Variants in PIAS4 observed in about 807,000 individuals in gnomAD.
PIAS4 encodes the protein E3 SUMO-protein ligase PIAS4.
A neutral mutation model predicts 58.0 loss-of-function variants in PIAS4; 7 were observed. The ratio of observed to expected loss-of-function variants is 0.12; its 90% CI spans 0.07 to 0.23. PIAS4 has a LOEUF of 0.23. Among genes scored for constraint, PIAS4 ranks in the 10% least tolerant of loss-of-function variants. The pLI is 1.00. For missense variants in PIAS4, 550 were observed against 709.5 expected, an observed-to-expected ratio of 0.78 and a Z score of 2.55; for synonymous variants, 364 against 312.4, an observed-to-expected ratio of 1.17 and a Z score of -1.74.
At chr19:4,029,067 G>T (rs750233698) in intron 7 of PIAS4, 31 bp downstream of exon 7, 6 of 1,511,222 alleles carry the variant, frequency 4.0e-6, no homozygotes, top group Non-Finnish European at 5.4e-6. Context: ...CGGCCGAGGG[G>T]TGCCAAGTCC....
intron 9 of PIAS4, 135 bp downstream of exon 9, chr19:4,033,715 A>C: frequency 1.3e-6 from 1 of 758,218 alleles, no homozygotes; most frequent in Non-Finnish European, 2.1e-6. Flanking sequence ...GAGCTTTGGA[A>C]ACCCCGGGCT....
Position 4,007,791 on chromosome 19 carries a change from A to C in PIAS4, c.27+4A>C. 8.2e-7 allele frequency: 1 copy of C among 1,213,014 alleles called. No individual in the cohort carries two copies. Among genetic ancestry groups the C allele is most frequent in the Non-Finnish European group, 1.0e-6 (1 of 970,062 alleles). The allele number at this position is 1,213,014 out of a possible 1,614,324, so 75.1% of individuals were successfully genotyped here. A position where few individuals can be genotyped will look rare whatever the true frequency, so the allele number is the denominator to read the frequency against. On this transcript the variant is annotated splice_donor_region_variant and intron_variant, in intron 1 of 10. Transcript: ENST00000262971. ...GGCGGAGCTGGTGGAGGCCAAAGTG[A>C]GTGAGCGGTGGCGGCGCCGGCCGGG... is the stretch of plus-strand genomic sequence containing the variant.
intron 1 of PIAS4, among the ~76,000 whole-genome samples, chr19:4,009,857 G>A (rs1225740802): frequency 6.6e-6 from 1 of 152,178 alleles, no homozygotes; most frequent in African/African-American, 2.4e-5. Context: ...CTCAGCTTGA[G>A]GCCTGCAGGC....
chr19:4,030,174 G>T (rs1233861066), intron 7 of PIAS4, among the ~76,000 whole-genome samples: 1 of 150,868 alleles, frequency 6.6e-6, no homozygotes, highest in African/African-American at 2.4e-5. Flanking sequence ...TGTTGCCCAG[G>T]CTGGTCGTAA....
chr19:4,034,954 C>T (rs2040259806), intron 9 of PIAS4, among the ~76,000 whole-genome samples: 1 of 152,204 alleles, frequency 6.6e-6, no homozygotes, highest in Non-Finnish European at 1.5e-5. Flanking sequence ...TGTTCTTGGC[C>T]AGGGGAGCGG....
rs760314277 is a variant in PIAS4, at chr19:4,037,604, T to C, written c.1274-12T>C. The C allele has an allele frequency of 2.0e-5, 32 of 1,608,988 alleles. No individual in the cohort carries two copies. The South Asian group carries it at 3.3e-4, about 17-fold the overall frequency. ...ATCCTAAGTACCTGCACCCTGTCCC[T>C]GTTGCCCGTAGGCCCCTCGGACGCC... On this transcript the variant is annotated splice_polypyrimidine_tract_variant and intron_variant, in intron 10 of 10. Transcript: ENST00000262971. This position sits in a 1 kb window ranked among gnomAD's most constrained non-coding sequence, Gnocchi z 5.8.
At chr19:4,020,178 AG>A (rs2040095094) in intron 2 of PIAS4, among the ~76,000 whole-genome samples, 1 of 152,134 alleles carries the variant, frequency 6.6e-6, no homozygotes, top group African/African-American at 2.4e-5. Flanking sequence ...GGCCTCCCAA[AG>A]TGCTGGGATT....
rs560787652 is a variant in PIAS4 at position 4,029,445 on chromosome 19, G to A, written c.907+409G>A. On this transcript the variant is annotated intron_variant, in intron 7 of 10. Coordinates refer to ENST00000262971, the MANE Select transcript of PIAS4 (RefSeq NM_015897.4). ...GGCCGAGGGTGCTGCGGGACCTGGC[G>A]GGTCACGGACGGCCAGGGTCGTGGA... is the stretch of plus-strand genomic sequence containing the variant. 5.1e-3 allele frequency among the ~76,000 whole-genome samples: 772 copies of A among 152,340 alleles called. 13 individuals carry two copies. Among genetic ancestry groups the A allele is most frequent in the Admixed American group, 0.015 (235 of 15,310 alleles).
chr19:4,011,601 C>T (rs1204852928), intron 1 of PIAS4, among the ~76,000 whole-genome samples: 3 of 152,174 alleles, frequency 2.0e-5, no homozygotes, highest in South Asian at 2.1e-4. Flanking sequence ...CCCCTTGGAC[C>T]GGTCCCCCAG....
intron 1 of PIAS4, among the ~76,000 whole-genome samples, chr19:4,008,152 C>T (rs897914421): frequency 6.6e-5 from 10 of 152,220 alleles, no homozygotes; most frequent in Admixed American, 3.3e-4. Flanking sequence ...TACTCGTTGC[C>T]CTCTTGGTTC....
chr19:4,014,811 G>C (rs992868811), intron 2 of PIAS4, among the ~76,000 whole-genome samples: 7 of 152,242 alleles, frequency 4.6e-5, no homozygotes, highest in Admixed American at 4.6e-4. Context: ...GGGAGGCAGC[G>C]TTGATGGGGG....
At chr19:4,028,283 C>A (rs1212229577) in intron 4 of PIAS4, 96 bp downstream of exon 4, 1 of 1,068,652 alleles carries the variant, frequency 9.4e-7, no homozygotes, top group South Asian at 1.3e-5. Flanking sequence ...TCAGTCTCCC[C>A]TGCTAACAGC....
intron 3 of PIAS4, among the ~76,000 whole-genome samples, chr19:4,026,832 A>G (rs890150855): frequency 1.3e-5 from 2 of 151,670 alleles, no homozygotes; most frequent in Admixed American, 1.3e-4. Flanking sequence ...ACAGGCGTGC[A>G]CCACCACACT....
At chr19:4,036,771 G>GTC (rs1388940925) in intron 9 of PIAS4, among the ~76,000 whole-genome samples, 42 of 130,622 alleles carry the variant, frequency 3.2e-4, no homozygotes, top group South Asian at 7.3e-4. Context: ...GGTCTACACC[G>GTC]TCACACACAC....
In PIAS4 at chr19:4,028,621, C is replaced by G. The variant is rs766014844; in HGVS notation, c.672+21C>G. 6 of 1,610,832 alleles carry G rather than the reference C, an allele frequency of 3.7e-6. No homozygotes were observed. The African/African-American group carries it at 8.0e-5, about 22-fold the overall frequency. ...TCCCGGTGAGCATGCCCCGCCCCCG[C>G]GTCGGCTGCACGGGTTTGGGGGGCG... On this transcript the variant is annotated intron_variant, in intron 5 of 10. Transcript: ENST00000262971.
chr19:4,020,406 G>A (rs1340463575), intron 2 of PIAS4, among the ~76,000 whole-genome samples: 1 of 152,138 alleles, frequency 6.6e-6, no homozygotes, highest in East Asian at 1.9e-4. Context: ...ACCAGGGGCA[G>A]TTCGCCATCC....
intron 2 of PIAS4, among the ~76,000 whole-genome samples, chr19:4,014,598 G>A (rs2040032812): frequency 6.6e-6 from 1 of 152,206 alleles, no homozygotes; most frequent in South Asian, 2.1e-4. Context: ...ACATCGGAGC[G>A]CCTGCTGGGT....
At chr19:4,035,349 C>T (rs1477848171) in intron 9 of PIAS4, among the ~76,000 whole-genome samples, 5 of 152,148 alleles carry the variant, frequency 3.3e-5, no homozygotes, top group African/African-American at 9.7e-5. Context: ...CGCCCCCCAG[C>T]CACTGCACCT....
At chr19:4,007,814 G>C in intron 1 of PIAS4, 27 bp downstream of exon 1, 1 of 1,207,606 alleles carries the variant, frequency 8.3e-7, no homozygotes. Context: ...GGCGCCGGCC[G>C]GGGCAAGTGG....
Sources: allele counts gnomAD v4.1 joint callset (sites outside exome capture counted in the v4.1 genomes callset), GRCh38; gene constraint gnomAD v4.1.1; non-coding constraint Gnocchi (gnomAD v3.1); transcripts MANE v1.5; gene names NCBI Gene and HGNC (gene_info 2026-07-23, HGNC 2026-07-21).